The following SLC25A31 variants were observed in gnomAD, a reference collection of about 807,000 sequenced individuals.
SLC25A31 encodes the protein ADP/ATP translocase 4.
A neutral mutation model predicts 36.2 loss-of-function variants in SLC25A31; 40 were observed. The ratio of observed to expected loss-of-function variants is 1.10; its 90% CI spans 0.86 to 1.44. The LOEUF is 1.44. Ranked by LOEUF, SLC25A31 falls within the 40% of genes most tolerant of loss-of-function variation. The pLI, the probability that SLC25A31 is intolerant of heterozygous loss-of-function variation, is 0.00. For synonymous variants in SLC25A31, 143 were observed against 149.7 expected, an observed-to-expected ratio of 0.96 and a Z score of 0.32; for missense variants, 350 against 397.1, an observed-to-expected ratio of 0.88 and a Z score of 1.01.
In SLC25A31 at chr4:127,737,353, C is replaced by A. The variant is rs569514885; in HGVS notation, c.232+6576C>A. Among the ~76,000 whole-genome samples, 8 of 152,176 alleles carry A rather than the reference C, an allele frequency of 5.3e-5. No homozygotes were observed. The East Asian group carries it at 1.5e-3, about 29-fold the overall frequency. On this transcript the variant is annotated intron_variant, in intron 1 of 5. Transcript: ENST00000281154. ...AATTTTCATTGAGATATTGACATTT[C>A]TTTTGATGCAAATGGTTTTATTCGT...
intron 4 of SLC25A31, among the ~76,000 whole-genome samples, chr4:127,768,260 T>C (rs1254377069): frequency 6.6e-6 from 1 of 152,082 alleles, no homozygotes; most frequent in Non-Finnish European, 1.5e-5. Context: ...GCTATGTTAA[T>C]GAAAATTACA....
intron 2 of SLC25A31, among the ~76,000 whole-genome samples, chr4:127,756,125 T>G (rs749898324): frequency 3.3e-5 from 5 of 152,178 alleles, no homozygotes; most frequent in Admixed American, 6.5e-5. Context: ...GATGAAGAGA[T>G]ATCTGCACAA....
intron 1 of SLC25A31, among the ~76,000 whole-genome samples, chr4:127,734,838 A>G (rs1731594082): frequency 6.6e-6 from 1 of 152,156 alleles, no homozygotes; most frequent in South Asian, 2.1e-4. Context: ...TTTAATATAT[A>G]AATTGGCATT....
intron 2 of SLC25A31, among the ~76,000 whole-genome samples, chr4:127,751,909 T>A (rs1017766937): frequency 6.6e-6 from 1 of 152,066 alleles, no homozygotes; most frequent in Non-Finnish European, 1.5e-5. Context: ...CATTAAAAAG[T>A]CAGGAAACAA....
chr4:127,754,838 G>A (rs1732000032), intron 2 of SLC25A31, among the ~76,000 whole-genome samples: 1 of 152,018 alleles, frequency 6.6e-6, no homozygotes, highest in African/African-American at 2.4e-5. Context: ...ATTTATGTGG[G>A]ATCACAAAAT....
chr4:127,773,450 A>G lies in SLC25A31; in HGVS notation c.824A>G (p.Glu275Gly), dbSNP rs767853619. The change falls in exon 6 of 6, where the codon GAA becomes GGA. Residue 275 changes from glutamate to glycine, a missense_variant. Transcript: ENST00000281154. Reference sequence around the variant, plus strand: ...TGCTTTGTGAAGATATACCAACATGAAGGAATCAGTTCCTTTTTTCGTGGC... The same window carrying G: ...TGCTTTGTGAAGATATACCAACATGGAGGAATCAGTTCCTTTTTTCGTGGC... Reference protein sequence around the residue: ...LDCFVKIYQHEGISSFFRGAF... With the variant: ...LDCFVKIYQHGGISSFFRGAF... 2 of 1,614,146 alleles carry G rather than the reference A, an allele frequency of 1.2e-6. No individual in the cohort carries two copies. Among genetic ancestry groups the G allele is most frequent in the African/African-American group, 1.3e-5 (1 of 75,046 alleles).
intron 1 of SLC25A31, among the ~76,000 whole-genome samples, chr4:127,740,119 T>C (rs143035335): frequency 6.6e-6 from 1 of 152,204 alleles, no homozygotes; most frequent in Non-Finnish European, 1.5e-5. Flanking sequence ...TCCTTTGGTG[T>C]TGTTATTACA....
intron 2 of SLC25A31, among the ~76,000 whole-genome samples, chr4:127,758,427 T>C (rs566993032): frequency 4.9e-4 from 74 of 152,356 alleles, no homozygotes; most frequent in Non-Finnish European, 8.7e-4. Flanking sequence ...TTTCTCCCAT[T>C]CTGCATATTG....
At chr4:127,768,171 CCTT>C (rs1732281660) in intron 4 of SLC25A31, among the ~76,000 whole-genome samples, 1 of 151,786 alleles carries the variant, frequency 6.6e-6, no homozygotes, top group African/African-American at 2.4e-5. Context: ...ATACTATACT[CCTT>C]CATTAGTATA....
At chr4:127,741,569 C>G (rs1238543427) in intron 1 of SLC25A31, among the ~76,000 whole-genome samples, 1 of 152,142 alleles carries the variant, frequency 6.6e-6, no homozygotes, top group Non-Finnish European at 1.5e-5. Flanking sequence ...ATAAATCCCA[C>G]TTGATTGTGG....
chr4:127,731,365 G>A (rs1341912801), intron 1 of SLC25A31, among the ~76,000 whole-genome samples: 2 of 151,312 alleles, frequency 1.3e-5, no homozygotes, highest in Non-Finnish European at 3.0e-5. Flanking sequence ...AAAATTCAAG[G>A]GGGCCCTAAA....
chr4:127,768,422 T>C (rs1012059224), intron 4 of SLC25A31, among the ~76,000 whole-genome samples: 2 of 152,106 alleles, frequency 1.3e-5, no homozygotes, highest in Non-Finnish European at 2.9e-5. Flanking sequence ...AAAGCAAGCA[T>C]TTGTTTCACT....
Position 127,767,186 on chromosome 4 carries a change from G to A in SLC25A31, c.599G>A (p.Arg200Gln), listed in dbSNP as rs774124664. 19 of 1,606,738 alleles carry A rather than the reference G, an allele frequency of 1.2e-5. No homozygotes were observed. The highest frequency in any genetic ancestry group is 1.4e-5 in the Non-Finnish European group (17 of 1,176,496). ...GVSVQGIIVY[R>Q]ASYFGAYDTV... is the part of the protein sequence containing the mutation. ...TCAGTACAGGGCATCATTGTGTACCGAGCCTCTTATTTTGGAGCTTATGAC... is the reference window on the plus strand; with the variant it reads ...TCAGTACAGGGCATCATTGTGTACCAAGCCTCTTATTTTGGAGCTTATGAC... Residue 200 changes from arginine (R) to glutamine (Q), a missense_variant, in exon 4 of 6, where the codon CGA (arginine) becomes CAA (glutamine). Coordinates refer to ENST00000281154, the MANE Select transcript of SLC25A31 (RefSeq NM_031291.4).
chr4:127,763,804 A>G (rs186684679), intron 2 of SLC25A31, among the ~76,000 whole-genome samples: 3 of 152,204 alleles, frequency 2.0e-5, no homozygotes, highest in Non-Finnish European at 2.9e-5. Flanking sequence ...GTTTTTTGCC[A>G]TAATACTACT....
chr4:127,739,356 T>C (rs2148754197), intron 1 of SLC25A31, among the ~76,000 whole-genome samples: 1 of 152,284 alleles, frequency 6.6e-6, no homozygotes, highest in South Asian at 2.1e-4. Context: ...TGTATAAAAT[T>C]TAGTTTGGTG....
intron 2 of SLC25A31, among the ~76,000 whole-genome samples, chr4:127,752,981 G>A (rs892269050): frequency 3.3e-5 from 5 of 152,150 alleles, no homozygotes; most frequent in African/African-American, 9.6e-5. Context: ...ACAAATTTAA[G>A]GAGGTTGAAA....
At chr4:127,750,562 T>C (rs1477979663) in intron 2 of SLC25A31, among the ~76,000 whole-genome samples, 1 of 152,228 alleles carries the variant, frequency 6.6e-6, no homozygotes, top group East Asian at 1.9e-4. Flanking sequence ...TAAAAACAAC[T>C]ATAATATTTA....
At chr4:127,747,321 G>A (rs1298527440) in intron 2 of SLC25A31, among the ~76,000 whole-genome samples, 2 of 152,108 alleles carry the variant, frequency 1.3e-5, no homozygotes, top group African/African-American at 4.8e-5. Flanking sequence ...TAGTTTGATA[G>A]GAATAGCATT....
In SLC25A31 at chr4:127,774,040, T is replaced by C. The variant is rs1732420824; in HGVS notation, c.*466T>C. ...GAAATAAGCTTTGTTCTATATCTCT[T>C]CTAAGACAGTTGTTATTACTGTGTA... On this transcript the variant is annotated 3_prime_UTR_variant, in exon 6 of 6. Transcript: ENST00000281154. 1 of 152,566 alleles carries C rather than the reference T, an allele frequency of 6.6e-6. No individual in the cohort carries two copies. The allele number at this position is 152,566 out of a possible 1,614,324, so 9.5% of individuals were successfully genotyped here. A position where few individuals can be genotyped will look rare whatever the true frequency, so the allele number is the denominator to read the frequency against.
Sources: allele counts gnomAD v4.1 joint callset (sites outside exome capture counted in the v4.1 genomes callset), GRCh38; gene constraint gnomAD v4.1.1; transcripts MANE v1.5; gene names NCBI Gene and HGNC (gene_info 2026-07-23, HGNC 2026-07-21).